AKAP12: variants seen among roughly 807,000 people sequenced by gnomAD.
AKAP12 encodes the protein A-kinase anchoring protein 12.
AKAP12 carries 32 observed loss-of-function variants against 79.9 expected under a neutral mutation model. The ratio of observed to expected loss-of-function variants is 0.40; its 90% confidence interval spans 0.30 to 0.54. The LOEUF (loss-of-function observed/expected upper bound fraction) is 0.54. AKAP12 is among the 20% of genes least tolerant of loss of function. The pLI, the probability that AKAP12 is intolerant of heterozygous loss-of-function variation, is 0.48. For synonymous variants in AKAP12, 808 were observed against 857.0 expected (o/e 0.94, Z 1.00); for missense variants, 2,074 against 2,177.0 (o/e 0.95, Z 0.94).
In AKAP12 at chr6:151,349,353, T is replaced by C. The variant is rs757750832; in HGVS notation, c.962T>C (p.Val321Ala). ...TSFRKPKEDE[V>A]EASEKKKEQE... Reference sequence around the variant, plus strand: ...TTCAGGAAGCCGAAGGAGGATGAAGTGGAAGCTTCAGAGAAGAAAAAGGAA... The same window carrying C: ...TTCAGGAAGCCGAAGGAGGATGAAGCGGAAGCTTCAGAGAAGAAAAAGGAA... The change falls in exon 4 of 5, where the codon GTG (valine) becomes GCG (alanine). Residue 321 changes from valine to alanine, a missense_variant. By Grantham distance (64) the Val-to-Ala change is moderately conservative (BLOSUM62 0). Coordinates refer to ENST00000402676, the MANE Select transcript of AKAP12 (RefSeq NM_005100.4). The C allele has an allele frequency of 3.1e-6, 5 of 1,612,618 alleles. No individual in the cohort carries two copies. Among genetic ancestry groups the C allele is most frequent in the African/African-American group, 2.7e-5 (2 of 74,520 alleles).
intron 2 of AKAP12, among the ~76,000 whole-genome samples, chr6:151,275,429 GA>G (rs894782575): frequency 3.3e-5 from 5 of 151,700 alleles, no homozygotes; most frequent in East Asian, 1.9e-4. Flanking sequence ...TAGAAAAGGG[GA>G]AAAAAAATCT....
At chr6:151,317,058 G>A (rs1380432260) in intron 3 of AKAP12, among the ~76,000 whole-genome samples, 1 of 152,194 alleles carries the variant, frequency 6.6e-6, no homozygotes, top group African/African-American at 2.4e-5. Flanking sequence ...GACTTCAAAT[G>A]TGAATTTTGT....
chr6:151,296,378 T>C (rs1014595043), intron 2 of AKAP12, among the ~76,000 whole-genome samples: 11 of 152,258 alleles, frequency 7.2e-5, no homozygotes, highest in South Asian at 6.2e-4. Flanking sequence ...GGCCTCCTCA[T>C]ATTTTTCTTT....
chr6:151,252,725 T>C, intron 2 of AKAP12, among the ~76,000 whole-genome samples: 1 of 125,984 alleles, frequency 7.9e-6, no homozygotes, highest in African/African-American at 3.3e-5. Context: ...AAGACCCCTG[T>C]CTCTGGGAAA....
intron 3 of AKAP12, among the ~76,000 whole-genome samples, chr6:151,337,940 G>A (rs566591039): frequency 1.2e-4 from 19 of 152,320 alleles, no homozygotes; most frequent in Non-Finnish European, 2.5e-4. Context: ...GGGAGGCTGA[G>A]GCTGGAGAAT....
intron 2 of AKAP12, among the ~76,000 whole-genome samples, chr6:151,267,059 A>C (rs568105378): frequency 6.6e-6 from 1 of 151,152 alleles, no homozygotes; most frequent in South Asian, 2.1e-4. Flanking sequence ...TGAAAATCAC[A>C]AAGTGTTGGA....
rs1562752905 is a variant in AKAP12, at chr6:151,349,713, C to A, written c.1322C>A (p.Ser441Tyr). ...ACGGAGGTGGAAGAAACAGCAGGGT[C>A]TGTGCCAGCTGAAGAATTGGTTGAA... ...QKTEVEETAG[S>Y]VPAEELVEMD... Residue 441 changes from serine (S) to tyrosine (Y), a missense_variant, in exon 4 of 5, where the codon TCT becomes TAT. This residue lies in a region of AKAP12 where 1,428 missense variants were observed against 1,451.0 expected (regional missense o/e 0.98). Transcript: ENST00000402676. The A allele has an allele frequency of 1.9e-6, 3 of 1,614,072 alleles. No homozygotes were observed. Among genetic ancestry groups the A allele is most frequent in the Non-Finnish European group, 2.5e-6 (3 of 1,180,024 alleles).
chr6:151,292,457 G>A (rs1410013375), intron 2 of AKAP12, among the ~76,000 whole-genome samples: 1 of 152,176 alleles, frequency 6.6e-6, no homozygotes, highest in African/African-American at 2.4e-5. Context: ...TAGACGAATT[G>A]GTTCCAGGAC....
intron 3 of AKAP12, among the ~76,000 whole-genome samples, chr6:151,333,756 A>AG (rs397700861): frequency 1.4e-5 from 2 of 146,800 alleles, no homozygotes; most frequent in African/African-American, 5.1e-5. Flanking sequence ...AAAAAAAAAA[A>AG]TGAAAGGTTT....
At chr6:151,345,089 TG>T (rs961717539) in intron 3 of AKAP12, among the ~76,000 whole-genome samples, 5 of 151,752 alleles carry the variant, frequency 3.3e-5, no homozygotes, top group East Asian at 2.0e-4. Flanking sequence ...ATTTTTTTTT[TG>T]GGGGGGACAG....
At chr6:151,250,336 A>AAT in intron 2 of AKAP12, among the ~76,000 whole-genome samples, 2 of 151,608 alleles carry the variant, frequency 1.3e-5, no homozygotes, top group African/African-American at 4.8e-5. Flanking sequence ...CGCTTTACTA[A>AAT]AAATACAAAA....
chr6:151,303,293 T>C (rs1776900653), intron 2 of AKAP12, among the ~76,000 whole-genome samples: 1 of 152,246 alleles, frequency 6.6e-6, no homozygotes, highest in Admixed American at 6.5e-5. Flanking sequence ...CTTTTGTCTT[T>C]AGGTTTCATT....
intron 2 of AKAP12, among the ~76,000 whole-genome samples, chr6:151,284,824 G>A (rs889608327): frequency 6.6e-6 from 1 of 152,126 alleles, no homozygotes; most frequent in Non-Finnish European, 1.5e-5. Context: ...TCTTTGATGT[G>A]TGGCACTTCC....
intron 3 of AKAP12, among the ~76,000 whole-genome samples, chr6:151,334,466 G>T (rs1013298144): frequency 9.9e-5 from 15 of 151,976 alleles, no homozygotes; most frequent in Admixed American, 3.9e-4. Context: ...GTGGTGGTGA[G>T]TGCCTGTAGT....
At position 151,319,465 on chromosome 6, in the gene AKAP12, CTA is replaced by C. The variant is rs1491349318; in HGVS notation, c.319+13564_319+13565del. On this transcript the variant is annotated intron_variant, in intron 3 of 4. Coordinates refer to ENST00000402676, the MANE Select transcript of AKAP12 (RefSeq NM_005100.4). ...TCTGTCTATCTATCTATCTATCTAT[CTA>C]TCTATCTATCTATCTATCTACTATC... is the stretch of plus-strand genomic sequence containing the variant. Among the ~76,000 whole-genome samples the C allele has an allele frequency of 2.1e-5, 3 of 141,116 alleles. No homozygotes were observed. The East Asian group carries it at 6.3e-4, about 29-fold the overall frequency. The allele number at this position is 141,116 out of a possible 152,430, so 92.6% of individuals were successfully genotyped here. A position where few individuals can be genotyped will look rare whatever the true frequency, so the allele number is the denominator to read the frequency against.
At chr6:151,325,497 A>T in intron 3 of AKAP12, 1 of 985,122 alleles carries the variant, frequency 1.0e-6, no homozygotes, top group Non-Finnish European at 1.2e-6. Flanking sequence ...AGCTCGGGGG[A>T]GGGCTTTAAG....
In AKAP12 at chr6:151,352,367, G is replaced by A. The variant is rs1387413734; in HGVS notation, c.3976G>A (p.Ala1326Thr). 1 of 1,614,146 alleles carries A rather than the reference G, an allele frequency of 6.2e-7. No individual in the cohort carries two copies. The highest frequency in any genetic ancestry group is 8.5e-7 in the Non-Finnish European group (1 of 1,180,028). The part of the protein sequence containing the change: ...KDDALELQSH[A>T]KSPPSPVERE... ...TGATGCTCTTGAACTGCAGAGTCAC[G>A]CTAAGTCTCCTCCATCCCCCGTGGA... Residue 1326 changes from alanine (A) to threonine (T), a missense_variant, in exon 4 of 5, where the codon GCT becomes ACT. Coordinates refer to ENST00000402676, the MANE Select transcript of AKAP12 (RefSeq NM_005100.4).
intron 3 of AKAP12, among the ~76,000 whole-genome samples, chr6:151,346,601 G>A (rs1446042760): frequency 1.3e-5 from 2 of 152,186 alleles, no homozygotes; most frequent in African/African-American, 4.8e-5. Context: ...CAGGAAGCGC[G>A]ATGGCATCTG....
chr6:151,258,662 T>A (rs1382943118), intron 2 of AKAP12, among the ~76,000 whole-genome samples: 2 of 152,186 alleles, frequency 1.3e-5, no homozygotes, highest in African/African-American at 4.8e-5. Context: ...ATTTATTTAT[T>A]TGAGACAGGG....
Sources: allele counts gnomAD v4.1 joint callset (sites outside exome capture counted in the v4.1 genomes callset), GRCh38; gene constraint gnomAD v4.1.1; regional missense constraint gnomAD v4.1.1; transcripts MANE v1.5; gene names NCBI Gene and HGNC (gene_info 2026-07-23, HGNC 2026-07-21).